CMC2: variants seen among roughly 807,000 people sequenced by gnomAD.
CMC2 encodes COX assembly mitochondrial protein 2 homolog.
A neutral mutation model predicts 7.5 loss-of-function variants in CMC2; 5 were observed. The ratio of observed to expected loss-of-function variants is 0.66; its 90% CI spans 0.35 to 1.40. The LOEUF (loss-of-function observed/expected upper bound fraction) is 1.40, where lower values mean the gene tolerates loss of function less well. Ranked by LOEUF, CMC2 falls within the 40% of genes most tolerant of loss-of-function variation. The probability of loss-of-function intolerance (pLI) is 0.04; values close to 1 mark genes in which losing one functional copy is unlikely to be tolerated. For synonymous variants in CMC2, 37 were observed against 31.4 expected (o/e 1.18, Z -0.60); for missense variants, 115 against 92.3 (o/e 1.25, Z -1.01).
intron 1 of CMC2, among the ~76,000 whole-genome samples, chr16:80,999,389 A>G (rs570899052): frequency 1.3e-5 from 2 of 152,356 alleles, no homozygotes; most frequent in East Asian, 1.9e-4. Context: ...GAAGAACTAC[A>G]AAACACTGCT....
chr16:81,006,574 G>A (rs887971113), intron 1 of CMC2, 160 bp downstream of exon 1: 7 of 401,484 alleles, frequency 1.7e-5, no homozygotes, highest in African/African-American at 1.1e-4. Context: ...AGCCTCCCCA[G>A]CGCAGCAGCC....
Position 80,968,048 on chromosome 16 carries a change from G to A in CMC2, c.*8045C>T, listed in dbSNP as rs1023610435. ...GAAAAAAGAGTAAGCTAGAAGTGAT[G>A]ACAAGAGTGGATGAAGGTCATTAAC... On this transcript the variant is annotated 3_prime_UTR_variant, in exon 4 of 4. Coordinates refer to ENST00000219400, the MANE Select transcript of CMC2 (RefSeq NM_020188.5). 1 of 152,122 alleles carries A rather than the reference G, an allele frequency of 6.6e-6. No individual in the cohort carries two copies. Among genetic ancestry groups the A allele is most frequent in the African/African-American group, 2.4e-5 (1 of 41,424 alleles). The allele number at this position is 152,122 out of a possible 1,614,324, so 9.4% of individuals were successfully genotyped here. A position where few individuals can be genotyped will look rare whatever the true frequency, so the allele number is the denominator to read the frequency against.
At chr16:80,976,227 AC>A (rs758141126) in intron 3 of CMC2, 48 bp from the exon 4 acceptor site, 13 of 986,530 alleles carry the variant, frequency 1.3e-5, no homozygotes, top group Non-Finnish European at 1.9e-5. Context: ...AGATTATGTC[AC>A]TATTTATAGC....
At position 80,966,963 on chromosome 16, in the gene CMC2, C is replaced by G. The variant is rs923784195; in HGVS notation, c.*9130G>C. 1 of 152,164 alleles carries G rather than the reference C, an allele frequency of 6.6e-6. No individual in the cohort carries two copies. The highest frequency in any genetic ancestry group is 1.5e-5 in the Non-Finnish European group (1 of 68,036). 9.4% of individuals were successfully genotyped at this position (152,164 alleles called of 1,614,324 possible). A position where few individuals can be genotyped will look rare whatever the true frequency, so the allele number is the denominator to read the frequency against. On this transcript the variant is annotated 3_prime_UTR_variant, in exon 4 of 4. Coordinates refer to ENST00000219400, the MANE Select transcript of CMC2 (RefSeq NM_020188.5). ...TATTTTAATTACATCCAACAATGTA[C>G]CTATCAAGTGATCTACAGAAAAAGA...
Position 80,973,556 on chromosome 16 carries a change from A to C in CMC2, c.*2537T>G, listed in dbSNP as rs945968536. The C allele has an allele frequency of 2.0e-5, 3 of 152,176 alleles. No homozygotes were observed. Among genetic ancestry groups the C allele is most frequent in the Admixed American group, 2.0e-4 (3 of 15,280 alleles). 9.4% of individuals were successfully genotyped at this position (152,176 alleles called of 1,614,324 possible). A position where few individuals can be genotyped will look rare whatever the true frequency, so the allele number is the denominator to read the frequency against. ...GAAAGATCTTTATAAAATATAAATA[A>C]ATGAAATCATAACCACTCCCTAAAA... On this transcript the variant is annotated 3_prime_UTR_variant, in exon 4 of 4. Coordinates refer to ENST00000219400, the MANE Select transcript of CMC2 (RefSeq NM_020188.5).
In CMC2 at chr16:80,968,381, G is replaced by C. The variant is rs563054196; in HGVS notation, c.*7712C>G. On this transcript the variant is annotated 3_prime_UTR_variant, in exon 4 of 4. Coordinates refer to ENST00000219400, the MANE Select transcript of CMC2 (RefSeq NM_020188.5). ...CCACCCCACACGGCTGAGATTCTGCGTTGCTAACAAACTTTCCCGGGTTAC... is the reference window on the plus strand; with the variant it reads ...CCACCCCACACGGCTGAGATTCTGCCTTGCTAACAAACTTTCCCGGGTTAC... The C allele has an allele frequency of 3.3e-5, 5 of 152,154 alleles. No homozygotes were observed. The highest frequency in any genetic ancestry group is 1.3e-4 in the Admixed American group (2 of 15,260). The allele number at this position is 152,154 out of a possible 1,614,324, so 9.4% of individuals were successfully genotyped here.
chr16:80,985,412 G>A (rs546069510), intron 2 of CMC2, among the ~76,000 whole-genome samples: 1 of 152,244 alleles, frequency 6.6e-6, no homozygotes, highest in East Asian at 1.9e-4. Context: ...AAAATGAAAA[G>A]CAATGCAATT....
intron 3 of CMC2, among the ~76,000 whole-genome samples, chr16:80,981,323 G>A (rs1416983670): frequency 6.6e-6 from 1 of 152,196 alleles, no homozygotes; most frequent in Non-Finnish European, 1.5e-5. Flanking sequence ...AAGTTCAGGA[G>A]ATGACAGTGT....
At chr16:80,980,721 T>C (rs1216681408) in intron 3 of CMC2, 1 of 640,126 alleles carries the variant, frequency 1.6e-6, no homozygotes, top group African/African-American at 1.8e-5. Flanking sequence ...GAGACTCTCA[T>C]CTCTACAAAA....
rs998271399 is a variant in CMC2 at position 80,971,442 on chromosome 16, GTATTT to G, written c.*4646_*4650del. ...AACAAGAACCTCATTTATCAACATA[GTATTT>G]TTTTTTTAAAAAAAAAAGGTACGCT... On this transcript the variant is annotated 3_prime_UTR_variant, in exon 4 of 4. Coordinates refer to ENST00000219400, the MANE Select transcript of CMC2 (RefSeq NM_020188.5). 1 of 144,880 alleles carries G rather than the reference GTATTT, an allele frequency of 6.9e-6. No individual in the cohort carries two copies. The highest frequency in any genetic ancestry group is 1.5e-5 in the Non-Finnish European group (1 of 67,442). 9.0% of individuals were successfully genotyped at this position (144,880 alleles called of 1,614,324 possible). A position where few individuals can be genotyped will look rare whatever the true frequency, so the allele number is the denominator to read the frequency against.
intron 3 of CMC2, 29 bp downstream of exon 3, chr16:80,981,777 C>G: frequency 1.4e-6 from 2 of 1,436,630 alleles, no homozygotes; most frequent in Non-Finnish European, 2.0e-6. Context: ...TATTGTTCAA[C>G]CATATCCATC....
At chr16:80,993,602 G>C (rs1008715779) in intron 2 of CMC2, among the ~76,000 whole-genome samples, 1 of 152,168 alleles carries the variant, frequency 6.6e-6, no homozygotes, top group African/African-American at 2.4e-5. Flanking sequence ...AGGGCTGGGA[G>C]TCAATGGAGT....
chr16:80,973,394 A>T lies in CMC2; in HGVS notation c.*2699T>A, dbSNP rs1437813285. The stretch of plus-strand genomic sequence containing the variant: ...CCAATTTGGGTGCACTTGAGAGAAA[A>T]ACAATATTGAGGGGGCCCTTACTTT... On this transcript the variant is annotated 3_prime_UTR_variant, in exon 4 of 4. Coordinates refer to ENST00000219400, the MANE Select transcript of CMC2 (RefSeq NM_020188.5). The T allele has an allele frequency of 6.6e-6, 1 of 152,136 alleles. No individual in the cohort carries two copies. The highest frequency in any genetic ancestry group is 1.5e-5 in the Non-Finnish European group (1 of 68,024). The allele number at this position is 152,136 out of a possible 1,614,324, so 9.4% of individuals were successfully genotyped here.
chr16:81,001,344 A>T (rs1001380803), intron 1 of CMC2: 2 of 152,184 alleles, frequency 1.3e-5, no homozygotes, highest in African/African-American at 4.8e-5. Context: ...TCTGAAATAA[A>T]ATTTGAAATT....
At chr16:81,002,868 T>C (rs946619065) in intron 1 of CMC2, among the ~76,000 whole-genome samples, 1 of 152,336 alleles carries the variant, frequency 6.6e-6, no homozygotes, top group Admixed American at 6.5e-5. Context: ...TGTCAAAGAA[T>C]AAAATGGTTT....
rs926742508 is a variant in CMC2, at chr16:80,967,182, C to T, written c.*8911G>A. 3.1e-4 allele frequency: 47 copies of T among 152,328 alleles called. No homozygotes were observed. Among genetic ancestry groups the T allele is most frequent in the African/African-American group, 1.0e-3 (42 of 41,554 alleles). 9.4% of individuals were successfully genotyped at this position (152,328 alleles called of 1,614,324 possible). On this transcript the variant is annotated 3_prime_UTR_variant, in exon 4 of 4. Coordinates refer to ENST00000219400, the MANE Select transcript of CMC2 (RefSeq NM_020188.5). ...GTCAGCCCAGAGAGCTTTCAGTCTA[C>T]ACATAACCTGAATTCCATGTATCAT...
intron 1 of CMC2, among the ~76,000 whole-genome samples, chr16:80,999,939 T>A (rs929980465): frequency 1.3e-5 from 2 of 152,170 alleles, no homozygotes; most frequent in African/African-American, 4.8e-5. Flanking sequence ...CCTCAAACTA[T>A]AAGAATCCTA....
chr16:81,000,808 A>C (rs993128765), intron 1 of CMC2, among the ~76,000 whole-genome samples: 1 of 152,218 alleles, frequency 6.6e-6, no homozygotes, highest in Non-Finnish European at 1.5e-5. Flanking sequence ...AAGAGCTTAA[A>C]ACAGCTACCA....
Position 80,986,943 on chromosome 16 carries a change from G to GAT in CMC2, c.82-5067_82-5066insAT, listed in dbSNP as rs542712997. 1.1e-4 allele frequency among the ~76,000 whole-genome samples: 17 copies of GAT among 152,260 alleles called. 2 individuals carry two copies. In the South Asian group the frequency reaches 3.3e-3, roughly 30 times the overall value. On this transcript the variant is annotated intron_variant, in intron 2 of 3. Coordinates refer to ENST00000219400, the MANE Select transcript of CMC2 (RefSeq NM_020188.5). ...TTTTTTGCAGGAAGGTGTAGCCTAGGGTATCCTGAAGAGTGGCCAAAAAAA... is the reference window on the plus strand; with the variant it reads ...TTTTTTGCAGGAAGGTGTAGCCTAGGATGTATCCTGAAGAGTGGCCAAAAAAA...
Sources: allele counts gnomAD v4.1 joint callset (sites outside exome capture counted in the v4.1 genomes callset), GRCh38; gene constraint gnomAD v4.1.1; transcripts MANE v1.5; gene names NCBI Gene and HGNC (gene_info 2026-07-23, HGNC 2026-07-21).